Variants in CDH12 observed in about 807,000 individuals in gnomAD.
CDH12 encodes the protein cadherin-12.
Under a neutral mutation model 74.1 loss-of-function variants are expected in CDH12, and 41 were observed. That is an observed-to-expected ratio of 0.55 (90% CI 0.43 to 0.72). The LOEUF (loss-of-function observed/expected upper bound fraction) is 0.72, where lower values mean the gene tolerates loss of function less well. Ranked by LOEUF, CDH12 falls within the 30% of genes least tolerant of loss-of-function variation. The probability of loss-of-function intolerance (pLI) is 0.00; values close to 1 mark genes in which losing one functional copy is unlikely to be tolerated. For synonymous variants in CDH12, 399 were observed against 355.0 expected (o/e 1.12, Z -1.39); for missense variants, 945 against 977.2 (o/e 0.97, Z 0.44).
chr5:21,833,003 T>G (rs1449000755), intron 8 of CDH12, among the ~76,000 whole-genome samples: 1 of 74,770 alleles, frequency 1.3e-5, no homozygotes, highest in Non-Finnish European at 2.2e-5. Flanking sequence ...ATTAATATAT[T>G]ATATATAATA....
At chr5:22,273,111 A>G (rs749026038) in intron 3 of CDH12, among the ~76,000 whole-genome samples, 8 of 152,156 alleles carry the variant, frequency 5.3e-5, no homozygotes, top group Non-Finnish European at 1.0e-4. Context: ...GGGGATTACA[A>G]TTGGATTGCA....
At chr5:22,002,682 T>C (rs1736674054) in intron 5 of CDH12, among the ~76,000 whole-genome samples, 1 of 152,040 alleles carries the variant, frequency 6.6e-6, no homozygotes, top group East Asian at 1.9e-4. Flanking sequence ...TCTTTCAATA[T>C]AGAAGATCAC....
At chr5:22,047,162 A>G (rs181413204) in intron 5 of CDH12, among the ~76,000 whole-genome samples, 3 of 152,188 alleles carry the variant, frequency 2.0e-5, no homozygotes, top group African/African-American at 7.2e-5. Context: ...ATCTAGCTCC[A>G]ACTGTGATGA....
At position 21,975,269 on chromosome 5, in the gene CDH12, G is replaced by A; in HGVS notation, c.348C>T (p.Ser116=). The A allele has an allele frequency of 6.3e-7, 1 of 1,597,204 alleles. No individual in the cohort carries two copies. Residue 116 remains serine, a synonymous_variant, in exon 6 of 15, where the codon AGC becomes AGT. Coordinates refer to ENST00000382254, the MANE Select transcript of CDH12 (RefSeq NM_004061.5). ...ETTGDIHAIR[S]LDREEKPFYT... ...AGAAAGGTTTCTCTTCTCTATCTAGGCTCCTTATTGCATGAATGTCCCCTG... is the reference window on the plus strand; with the variant it reads ...AGAAAGGTTTCTCTTCTCTATCTAGACTCCTTATTGCATGAATGTCCCCTG...
intron 3 of CDH12, among the ~76,000 whole-genome samples, chr5:22,395,277 T>G (rs1164837207): frequency 6.6e-6 from 1 of 152,092 alleles, no homozygotes; most frequent in Non-Finnish European, 1.5e-5. Context: ...GATGTGACTG[T>G]AATCCAAGGA....
intron 1 of CDH12, among the ~76,000 whole-genome samples, chr5:22,588,171 A>G (rs532132516): frequency 6.6e-6 from 1 of 151,804 alleles, no homozygotes; most frequent in Non-Finnish European, 1.5e-5. Flanking sequence ...AAATATACAT[A>G]ATTACAATTA....
Position 22,286,509 on chromosome 5 carries a change from T to C in CDH12, c.-332-73866A>G, listed in dbSNP as rs181520676. On this transcript the variant is annotated intron_variant, in intron 3 of 14. Coordinates refer to ENST00000382254, the MANE Select transcript of CDH12 (RefSeq NM_004061.5). ...TTTCATCTTCTGCAATATTGTTAAA[T>C]GGTCAAGGTGAGGAACAAAAGTAAT... Among the ~76,000 whole-genome samples the C allele has an allele frequency of 1.1e-4, 17 of 152,314 alleles. No homozygotes were observed. In the East Asian group the frequency reaches 3.3e-3, roughly 29 times the overall value.
At chr5:22,152,493 T>C (rs1024849012) in intron 4 of CDH12, 34 of 152,142 alleles carry the variant, frequency 2.2e-4, no homozygotes, top group Non-Finnish European at 4.3e-4. Flanking sequence ...ATGTGTTCAA[T>C]TGTTAAAAAT....
At position 22,207,564 on chromosome 5, in the gene CDH12, G is replaced by C. The variant is rs912012120; in HGVS notation, c.-187+4934C>G. Among the ~76,000 whole-genome samples, 60 of 152,172 alleles carry C rather than the reference G, an allele frequency of 3.9e-4. 1 individual carries two copies. The highest frequency in any genetic ancestry group is 2.4e-3 in the Admixed American group (37 of 15,276). ...ATTGTTGACTACCAGTGGTCAAATGGAACTTCTTTTTCAAGACTTGTTCAA... is the reference window on the plus strand; with the variant it reads ...ATTGTTGACTACCAGTGGTCAAATGCAACTTCTTTTTCAAGACTTGTTCAA... On this transcript the variant is annotated intron_variant, in intron 4 of 14. Coordinates refer to ENST00000382254, the MANE Select transcript of CDH12 (RefSeq NM_004061.5).
chr5:22,736,299 G>A (rs1476666937), intron 1 of CDH12, among the ~76,000 whole-genome samples: 4 of 151,644 alleles, frequency 2.6e-5, no homozygotes, highest in Non-Finnish European at 5.9e-5. Context: ...TACATAATTT[G>A]TGTATATAGA....
chr5:22,412,964 T>C (rs1421190620), intron 2 of CDH12, among the ~76,000 whole-genome samples: 1 of 151,998 alleles, frequency 6.6e-6, no homozygotes, highest in East Asian at 1.9e-4. Flanking sequence ...ATAATCCTCC[T>C]TCCAGCCTAT....
At chr5:22,605,273 C>T (rs1386802978) in intron 1 of CDH12, among the ~76,000 whole-genome samples, 2 of 152,172 alleles carry the variant, frequency 1.3e-5, no homozygotes, top group African/African-American at 4.8e-5. Context: ...TTCTTAATTG[C>T]ATGAGCCAAT....
At chr5:21,807,600 T>C (rs1469499310) in intron 9 of CDH12, among the ~76,000 whole-genome samples, 2 of 152,158 alleles carry the variant, frequency 1.3e-5, no homozygotes, top group Non-Finnish European at 2.9e-5. Context: ...AATAGCTACC[T>C]GGGCTCTTCC....
chr5:22,568,632 A>T (rs1209313731), intron 1 of CDH12, among the ~76,000 whole-genome samples: 1 of 152,198 alleles, frequency 6.6e-6, no homozygotes, highest in East Asian at 1.9e-4. Flanking sequence ...AAATGGTAAG[A>T]AAACACTGGG....
chr5:21,952,520 A>T (rs892219760), intron 6 of CDH12, among the ~76,000 whole-genome samples: 1 of 152,206 alleles, frequency 6.6e-6, no homozygotes, highest in Non-Finnish European at 1.5e-5. Flanking sequence ...TAACTTTCGC[A>T]TCTTGTCTTC....
chr5:22,369,329 T>C lies in CDH12; in HGVS notation c.-333+35928A>G, dbSNP rs576883479. 3.9e-5 allele frequency among the ~76,000 whole-genome samples: 6 copies of C among 152,096 alleles called. No homozygotes were observed. The South Asian group carries it at 1.0e-3, about 26-fold the overall frequency. ...AAAATTTTTTAATATGTAAACAGGA[T>C]TTAATGGAAAAATACTTTCTAATAA... On this transcript the variant is annotated intron_variant, in intron 3 of 14. Coordinates refer to ENST00000382254, the MANE Select transcript of CDH12 (RefSeq NM_004061.5).
At chr5:22,651,458 G>C (rs139933378) in intron 1 of CDH12, among the ~76,000 whole-genome samples, 1 of 152,138 alleles carries the variant, frequency 6.6e-6, no homozygotes, top group African/African-American at 2.4e-5. Flanking sequence ...TTCTTCACAA[G>C]GTGATAGAAA....
At chr5:22,152,903 G>A (rs556529853) in intron 4 of CDH12, among the ~76,000 whole-genome samples, 9 of 152,190 alleles carry the variant, frequency 5.9e-5, no homozygotes, top group Admixed American at 1.3e-4. Context: ...TTAACGTAAC[G>A]TCCTCTAGGT....
intron 1 of CDH12, among the ~76,000 whole-genome samples, chr5:22,616,486 C>T (rs1357313898): frequency 6.6e-6 from 1 of 152,050 alleles, no homozygotes; most frequent in African/African-American, 2.4e-5. Context: ...ATCCAGCAAA[C>T]ATTTGGAAAT....
Sources: gnomAD v4.1 joint callset for allele counts (sites outside exome capture counted in the v4.1 genomes callset) on GRCh38, gnomAD v4.1.1 for gene constraint, MANE v1.5 for transcripts, NCBI Gene and HGNC (gene_info 2026-07-23, HGNC 2026-07-21) for gene names.